Variants in SKP1 observed in about 807,000 individuals in gnomAD.
SKP1 encodes S-phase kinase associated protein 1.
Under a neutral mutation model 21.5 loss-of-function variants are expected in SKP1, and 1 was observed. The ratio of observed to expected loss-of-function variants is 0.05; its 90% CI spans 0.02 to 0.22. SKP1 has a LOEUF of 0.22. Among genes scored for constraint, SKP1 ranks in the 10% least tolerant of loss-of-function variants. SKP1 has a pLI of 1.00. For missense variants in SKP1, 70 were observed against 192.0 expected, an observed-to-expected ratio of 0.36 and a Z score of 3.76; for synonymous variants, 59 against 59.3, an observed-to-expected ratio of 0.99 and a Z score of 0.03.
chr5:134,176,384 G>C (rs1301215491), intron 1 of SKP1, among the ~76,000 whole-genome samples: 1 of 152,082 alleles, frequency 6.6e-6, no homozygotes, highest in African/African-American at 2.4e-5. Context: ...GACCACCACC[G>C]CAGCTCTCCC....
Position 134,153,792 on chromosome 5 carries a change from T to C in SKP1, c.*3941A>G, listed in dbSNP as rs1310603760. The C allele has an allele frequency of 6.6e-6, 1 of 152,154 alleles. No homozygotes were observed. The highest frequency in any genetic ancestry group is 1.9e-4 in the East Asian group (1 of 5,196). 9.4% of individuals were successfully genotyped at this position (152,154 alleles called of 1,614,324 possible). A position where few individuals can be genotyped will look rare whatever the true frequency, so the allele number is the denominator to read the frequency against. ...ATTTTTACGTAAACTGAAAAATCAA[T>C]GTGATTTGGAATATCTGCCTGCCCT... On this transcript the variant is annotated 3_prime_UTR_variant, in exon 6 of 6. Transcript: ENST00000353411.
intron 5 of SKP1, 74 bp from the exon 6 acceptor site, chr5:134,157,842 A>AT: frequency 1.2e-6 from 2 of 1,611,802 alleles, no homozygotes; most frequent in Non-Finnish European, 1.7e-6. Flanking sequence ...CTACCTACTG[A>AT]TTCATCGATA....
intron 2 of SKP1, among the ~76,000 whole-genome samples, chr5:134,172,937 G>C (rs1052581743): frequency 2.0e-5 from 3 of 151,178 alleles, no homozygotes; most frequent in Non-Finnish European, 4.4e-5. Flanking sequence ...ACTTGAACCC[G>C]GGGGGCAGAG....
chr5:134,162,901 C>T (rs557146596), intron 3 of SKP1, among the ~76,000 whole-genome samples: 46 of 151,820 alleles, frequency 3.0e-4, no homozygotes, highest in African/African-American at 9.7e-4. Context: ...AGAGACACCC[C>T]GTCTCTACAA....
At chr5:134,157,934 G>A in intron 5 of SKP1, 166 bp from the exon 6 acceptor site, 1 of 1,535,238 alleles carries the variant, frequency 6.5e-7, no homozygotes, top group East Asian at 2.5e-5. Context: ...TCCTTTCTTT[G>A]CCTCCCATGG....
Position 134,155,660 on chromosome 5 carries a change from G to A in SKP1, c.*2073C>T, listed in dbSNP as rs1469551227. ...CTCATATAATTCTAACTACTGCTGA[G>A]TATTATACAGATCAAGTGGTAATAA... On this transcript the variant is annotated 3_prime_UTR_variant, in exon 6 of 6. Coordinates refer to ENST00000353411, the MANE Select transcript of SKP1 (RefSeq NM_170679.3). 3.3e-5 allele frequency: 5 copies of A among 152,168 alleles called. No homozygotes were observed. Among genetic ancestry groups the A allele is most frequent in the Admixed American group, 3.3e-4 (5 of 15,286 alleles). 9.4% of individuals were successfully genotyped at this position (152,168 alleles called of 1,614,324 possible).
At chr5:134,158,390 C>CA in intron 5 of SKP1, 65 bp downstream of exon 5, 1 of 1,612,218 alleles carries the variant, frequency 6.2e-7, no homozygotes, top group Non-Finnish European at 8.5e-7. Flanking sequence ...CTTTTGCTGG[C>CA]ATGTTATAGG....
At chr5:134,167,074 A>T (rs1276037075) in intron 3 of SKP1, 96 bp downstream of exon 3, 1 of 641,248 alleles carries the variant, frequency 1.6e-6, no homozygotes, top group East Asian at 2.8e-5. Flanking sequence ...TAAGCAGTAA[A>T]TTATAAAATT....
At chr5:134,164,921 G>A (rs946740762) in intron 3 of SKP1, among the ~76,000 whole-genome samples, 1 of 152,112 alleles carries the variant, frequency 6.6e-6, no homozygotes, top group Non-Finnish European at 1.5e-5. Flanking sequence ...TATGCTAAGT[G>A]AAATAAGCCA....
chr5:134,169,376 T>G (rs563189760), intron 2 of SKP1, among the ~76,000 whole-genome samples: 35 of 152,350 alleles, frequency 2.3e-4, no homozygotes, highest in Admixed American at 1.7e-3. Flanking sequence ...CAATGTCTCA[T>G]GTAAAGCTCT....
At position 134,152,221 on chromosome 5, in the gene SKP1, T is replaced by G. The variant is rs1045924146; in HGVS notation, c.*5512A>C. ...AAATTAAAATTAAAAAAATTAGAAT[T>G]TAGCTCACTCAAAAATTGCCCTGCC... is the stretch of plus-strand genomic sequence containing the variant. On this transcript the variant is annotated 3_prime_UTR_variant, in exon 6 of 6. Coordinates refer to ENST00000353411, the MANE Select transcript of SKP1 (RefSeq NM_170679.3). 6.9e-6 allele frequency: 1 copy of G among 144,874 alleles called. No individual in the cohort carries two copies. The highest frequency in any genetic ancestry group is 2.8e-5 in the African/African-American group (1 of 35,908). The allele number at this position is 144,874 out of a possible 1,614,324, so 9.0% of individuals were successfully genotyped here.
At chr5:134,167,531 T>G (rs1298589529) in intron 2 of SKP1, among the ~76,000 whole-genome samples, 2 of 152,050 alleles carry the variant, frequency 1.3e-5, no homozygotes, top group East Asian at 3.8e-4. Context: ...GAGAGGGGTT[T>G]TTTTTTTTTG....
rs1761140731 is a variant in SKP1 at position 134,157,500 on chromosome 5, G to C, written c.*233C>G. On this transcript the variant is annotated 3_prime_UTR_variant, in exon 6 of 6. Transcript: ENST00000353411. ...CCACTTATAGAGAACCCACAGTTCAGTTTTATTCAGAGCAAAGAAAAAAGA... is the reference window on the plus strand; with the variant it reads ...CCACTTATAGAGAACCCACAGTTCACTTTTATTCAGAGCAAAGAAAAAAGA... The C allele has an allele frequency of 2.0e-6, 1 of 489,126 alleles. No homozygotes were observed. Among genetic ancestry groups the C allele is most frequent in the Admixed American group, 3.6e-5 (1 of 27,940 alleles). The allele number at this position is 489,126 out of a possible 1,614,324, so 30.3% of individuals were successfully genotyped here. A position where few individuals can be genotyped will look rare whatever the true frequency, so the allele number is the denominator to read the frequency against.
intron 2 of SKP1, chr5:134,170,895 T>C: frequency 4.9e-6 from 2 of 410,880 alleles, no homozygotes; most frequent in Middle Eastern, 3.5e-4. Context: ...AAAGCAAGTA[T>C]TTAGGCAGCA....
Position 134,154,955 on chromosome 5 carries a change from T to C in SKP1, c.*2778A>G, listed in dbSNP as rs181340649. 1.4e-4 allele frequency: 21 copies of C among 152,370 alleles called. No homozygotes were observed. The East Asian group carries it at 3.9e-3, about 28-fold the overall frequency. The allele number at this position is 152,370 out of a possible 1,614,324, so 9.4% of individuals were successfully genotyped here. A position where few individuals can be genotyped will look rare whatever the true frequency, so the allele number is the denominator to read the frequency against. On this transcript the variant is annotated 3_prime_UTR_variant, in exon 6 of 6. Coordinates refer to ENST00000353411, the MANE Select transcript of SKP1 (RefSeq NM_170679.3). ...CTCTTCTTGTTTTCATTATGCCCTG[T>C]ACCTGCATTTCACAAGGACTTTTCA...
At chr5:134,175,401 G>A (rs1247198445) in intron 1 of SKP1, 1 of 152,194 alleles carries the variant, frequency 6.6e-6, no homozygotes, top group Non-Finnish European at 1.5e-5. Context: ...TAATGGAGAA[G>A]GATGCAGAGT....
chr5:134,161,293 A>G, intron 3 of SKP1, 163 bp from the exon 4 acceptor site: 1 of 576,478 alleles, frequency 1.7e-6, no homozygotes. Context: ...AAGAATCATT[A>G]TAACCCTAGA....
At chr5:134,163,435 G>A (rs1761259816) in intron 3 of SKP1, among the ~76,000 whole-genome samples, 1 of 151,184 alleles carries the variant, frequency 6.6e-6, no homozygotes, top group African/African-American at 2.4e-5. Context: ...CATAGTTTTG[G>A]CATCATGTAA....
Position 134,152,039 on chromosome 5 carries a change from G to C in SKP1, c.*5694C>G, listed in dbSNP as rs1761051947. The C allele has an allele frequency of 5.7e-6, 1 of 174,634 alleles. No homozygotes were observed. The highest frequency in any genetic ancestry group is 5.9e-5 in the Admixed American group (1 of 16,964). 10.8% of individuals were successfully genotyped at this position (174,634 alleles called of 1,614,324 possible). ...TATTTCTTACACCATACTTCATCTT[G>C]ATATGCACAGCCAGTTCTCTTACTC... On this transcript the variant is annotated 3_prime_UTR_variant, in exon 6 of 6. Transcript: ENST00000353411.
Sources: allele counts gnomAD v4.1 joint callset (sites outside exome capture counted in the v4.1 genomes callset), GRCh38; gene constraint gnomAD v4.1.1; transcripts MANE v1.5; gene names NCBI Gene and HGNC (gene_info 2026-07-23, HGNC 2026-07-21).